Variants in EDN1 observed in about 807,000 individuals in gnomAD.
EDN1 encodes endothelin-1.
Under a neutral mutation model 21.7 loss-of-function variants are expected in EDN1, and 11 were observed. The ratio of observed to expected loss-of-function variants is 0.51; its 90% CI spans 0.32 to 0.84. The LOEUF is 0.84. Ranked by LOEUF, EDN1 falls within the 40% of genes least tolerant of loss-of-function variation. EDN1 has a pLI of 0.03. For synonymous variants in EDN1, 85 were observed against 90.6 expected (o/e 0.94, Z 0.35); for missense variants, 244 against 262.3 (o/e 0.93, Z 0.48).
chr6:12,270,407 T>C, the EDN1 span, among the ~76,000 whole-genome samples: 10 of 152,204 alleles, frequency 6.6e-5, no homozygotes, highest in East Asian at 1.9e-3. Flanking sequence ...TTCATATAGA[T>C]GTTAATTGCT....
the EDN1 span, among the ~76,000 whole-genome samples, chr6:12,256,400 C>T: frequency 6.6e-5 from 10 of 151,910 alleles, no homozygotes; most frequent in Non-Finnish European, 1.3e-4. Flanking sequence ...CCCCCTAAAA[C>T]CCAAAAAAGA....
At chr6:12,285,973 A>G (rs1200790034), upstream of EDN1, among the ~76,000 whole-genome samples, 2 of 152,222 alleles carry the variant, frequency 1.3e-5, no homozygotes, top group Non-Finnish European at 2.9e-5. Flanking sequence ...TTTCATATGG[A>G]TTATTTAAGC....
At chr6:12,281,381 A>G in the EDN1 span, among the ~76,000 whole-genome samples, 1 of 152,046 alleles carries the variant, frequency 6.6e-6, no homozygotes, top group Non-Finnish European at 1.5e-5. Flanking sequence ...AGCTCTCTGT[A>G]TATCTTACTA....
the EDN1 span, among the ~76,000 whole-genome samples, chr6:12,238,171 CAAA>C: frequency 1.9e-5 from 2 of 104,434 alleles, no homozygotes; most frequent in African/African-American, 7.3e-5. Flanking sequence ...GACTCTATCT[CAAA>C]AAAAAAAAAA....
At chr6:12,270,199 T>A in the EDN1 span, among the ~76,000 whole-genome samples, 3 of 152,228 alleles carry the variant, frequency 2.0e-5, no homozygotes, top group Admixed American at 2.0e-4. Flanking sequence ...TGGCTAAAGA[T>A]TGGTTGATTT....
At chr6:12,285,358 A>T in the EDN1 span, among the ~76,000 whole-genome samples, 5 of 152,248 alleles carry the variant, frequency 3.3e-5, no homozygotes, top group South Asian at 6.2e-4. Context: ...TGGATGCCGG[A>T]ACATCTGTTT....
chr6:12,293,806 T>C, intron 2 of EDN1, 135 bp from the exon 3 acceptor site: 1 of 988,260 alleles, frequency 1.0e-6, no homozygotes, highest in Non-Finnish European at 1.5e-6. Flanking sequence ...GTTGTTACAC[T>C]TTACCCTCTG....
At chr6:12,247,228 A>G in the EDN1 span, among the ~76,000 whole-genome samples, 1 of 152,112 alleles carries the variant, frequency 6.6e-6, no homozygotes, top group African/African-American at 2.4e-5. Flanking sequence ...TGTGATTCCA[A>G]TTCCTGTGTG....
the EDN1 span, among the ~76,000 whole-genome samples, chr6:12,252,635 G>A: frequency 6.6e-6 from 1 of 152,180 alleles, no homozygotes; most frequent in Non-Finnish European, 1.5e-5. Context: ...CAAGGTGGGG[G>A]CCTGACTTCT....
chr6:12,259,738 A>G, the EDN1 span, among the ~76,000 whole-genome samples: 1 of 152,072 alleles, frequency 6.6e-6, no homozygotes, highest in East Asian at 1.9e-4. Flanking sequence ...GAAATATATT[A>G]CAAACTTATG....
At chr6:12,262,148 A>G in the EDN1 span, among the ~76,000 whole-genome samples, 1 of 152,208 alleles carries the variant, frequency 6.6e-6, no homozygotes, top group Non-Finnish European at 1.5e-5. Context: ...ATGCACAAAT[A>G]TTTTTGGGAA....
the EDN1 span, among the ~76,000 whole-genome samples, chr6:12,261,050 A>G: frequency 1.3e-5 from 2 of 152,206 alleles, no homozygotes; most frequent in African/African-American, 4.8e-5. Context: ...AAATAATCAG[A>G]AATGTCATTC....
At chr6:12,273,714 A>C in the EDN1 span, among the ~76,000 whole-genome samples, 1 of 148,766 alleles carries the variant, frequency 6.7e-6, no homozygotes, top group African/African-American at 2.5e-5. Flanking sequence ...ACCCCAATTC[A>C]TCTGACCATA....
chr6:12,284,633 G>T, the EDN1 span, among the ~76,000 whole-genome samples: 38 of 138,304 alleles, frequency 2.7e-4, no homozygotes, highest in Non-Finnish European at 4.8e-4. Flanking sequence ...GAGAAAGAAA[G>T]GAAAGAAAGA....
the EDN1 span, among the ~76,000 whole-genome samples, chr6:12,270,455 A>G: frequency 6.6e-6 from 1 of 152,020 alleles, no homozygotes; most frequent in Admixed American, 6.6e-5. Flanking sequence ...GCTGTATCCC[A>G]TAGGTTTTGG....
At chr6:12,246,201 G>T in the EDN1 span, among the ~76,000 whole-genome samples, 1 of 152,146 alleles carries the variant, frequency 6.6e-6, no homozygotes, top group South Asian at 2.1e-4. Context: ...AATGGAAGGT[G>T]CAGGGAAGTG....
chr6:12,262,457 T>G, the EDN1 span, among the ~76,000 whole-genome samples: 1 of 152,036 alleles, frequency 6.6e-6, no homozygotes, highest in African/African-American at 2.4e-5. Flanking sequence ...CTCACTCCCT[T>G]GCTGAAGCAC....
At chr6:12,251,194 C>A in the EDN1 span, among the ~76,000 whole-genome samples, 1 of 152,116 alleles carries the variant, frequency 6.6e-6, no homozygotes, top group Non-Finnish European at 1.5e-5. Flanking sequence ...TTAAGCCATA[C>A]CCCAAAAAGC....
chr6:12,258,057 A>G, the EDN1 span, among the ~76,000 whole-genome samples: 1 of 151,990 alleles, frequency 6.6e-6, no homozygotes, highest in African/African-American at 2.4e-5. Flanking sequence ...TACTCCTATC[A>G]CCCTGCTTTG....
Sources: allele counts gnomAD v4.1 joint callset (sites outside exome capture counted in the v4.1 genomes callset), GRCh38; gene constraint gnomAD v4.1.1; transcripts MANE v1.5; gene names NCBI Gene and HGNC (gene_info 2026-07-23, HGNC 2026-07-21).